Variants in RASGRP2 observed in about 807,000 individuals in gnomAD.
RASGRP2 encodes the protein RAS guanyl releasing protein 2, also known as RAS guanyl-releasing protein 2.
In RASGRP2, 44 loss-of-function variants were observed where a neutral mutation model predicts 71.0. The ratio of observed to expected loss-of-function variants is 0.62; its 90% CI spans 0.49 to 0.80. The LOEUF (loss-of-function observed/expected upper bound fraction) is 0.80. RASGRP2 is among the 30% of genes least tolerant of loss of function. RASGRP2 has a pLI of 0.00. For missense variants in RASGRP2, 663 were observed against 813.4 expected (o/e 0.82, Z 2.25); for synonymous variants, 350 against 330.7 (o/e 1.06, Z -0.63).
At position 64,736,833 on chromosome 11, in the gene RASGRP2, T is replaced by C. The variant is rs779878541; in HGVS notation, c.1015A>G (p.Ser339Gly). ...LNGAKMKQLF[S>G]ILEELAMVTS... ...ACCATGGCCAGCTCCTCCAGGATGC[T>C]AAAGAGCTGCTTCATCTTGGCCCCG... Residue 339 changes from serine to glycine, a missense_variant, in exon 9 of 17, where the codon AGC becomes GGC. By Grantham distance (56) the Ser-to-Gly change is moderately conservative (BLOSUM62 0). Coordinates refer to ENST00000394432, the MANE Select transcript of RASGRP2 (RefSeq NM_001098671.2). 12 of 1,612,988 alleles carry C rather than the reference T, an allele frequency of 7.4e-6. No homozygotes were observed. The South Asian group carries it at 1.1e-4, about 15-fold the overall frequency.
intron 12 of RASGRP2, among the ~76,000 whole-genome samples, chr11:64,732,961 G>A (rs1207182): frequency 0.92 from 139,077 of 151,356 alleles, 65,085 homozygotes; most frequent in East Asian, 1. Context: ...CAAAAAAAAG[G>A]AAAAGAAAAA....
chr11:64,727,245 C>G (rs1392216078), intron 16 of RASGRP2, 51 bp downstream of exon 16: 5 of 1,501,038 alleles, frequency 3.3e-6, no homozygotes, highest in East Asian at 2.3e-5. Context: ...CTCCCCAGCT[C>G]CCCCCCAGCC....
intron 12 of RASGRP2, among the ~76,000 whole-genome samples, chr11:64,732,668 C>G (rs2057799657): frequency 6.6e-6 from 1 of 152,102 alleles, no homozygotes; most frequent in South Asian, 2.1e-4. Context: ...GTAGTCCCAG[C>G]TACTCCGGAG....
intron 12 of RASGRP2, among the ~76,000 whole-genome samples, chr11:64,730,675 C>T (rs1352116663): frequency 6.6e-6 from 1 of 152,236 alleles, no homozygotes; most frequent in African/African-American, 2.4e-5. Context: ...CCAGGGCTTT[C>T]CGCAGAAGCC....
chr11:64,742,152 C>G lies in RASGRP2; in HGVS notation c.74-40G>C, dbSNP rs778689365. ...TCAAAGACAGGTGGCTGAGCTGGGTCCGCAGCTACCATGCCTCATCCTCAC... is the reference window on the plus strand; with the variant it reads ...TCAAAGACAGGTGGCTGAGCTGGGTGCGCAGCTACCATGCCTCATCCTCAC... On this transcript the variant is annotated intron_variant, in intron 2 of 16. Coordinates refer to ENST00000394432, the MANE Select transcript of RASGRP2 (RefSeq NM_001098671.2). This position sits in a 1 kb window ranked among gnomAD's most constrained non-coding sequence, Gnocchi z 4.7. 2 of 1,472,270 alleles carry G rather than the reference C, an allele frequency of 1.4e-6. No homozygotes were observed. Among genetic ancestry groups the G allele is most frequent in the Admixed American group, 3.9e-5 (2 of 51,088 alleles). 91.2% of individuals were successfully genotyped at this position (1,472,270 alleles called of 1,614,324 possible).
chr11:64,737,176 GCT>G, intron 8 of RASGRP2, 142 bp from the exon 9 acceptor site: 1 of 960,608 alleles, frequency 1.0e-6, no homozygotes, highest in Non-Finnish European at 1.6e-6. Flanking sequence ...CCCACGACTG[GCT>G]CTCTCAGCCC....
intron 12 of RASGRP2, among the ~76,000 whole-genome samples, chr11:64,731,359 GAAAAA>G (rs542490938): frequency 3.3e-5 from 3 of 89,966 alleles, no homozygotes; most frequent in Admixed American, 1.3e-4. Flanking sequence ...CCCTGTCTCA[GAAAAA>G]AAAAAAAAAA....
chr11:64,733,245 A>G (rs916857284), intron 12 of RASGRP2, among the ~76,000 whole-genome samples: 4 of 152,184 alleles, frequency 2.6e-5, no homozygotes, highest in Admixed American at 6.5e-5. Context: ...ATTTTGTAAG[A>G]AAGAAATGGA....
chr11:64,737,670 C>A (rs2057986613), intron 8 of RASGRP2, among the ~76,000 whole-genome samples: 1 of 78,610 alleles, frequency 1.3e-5, no homozygotes, highest in Non-Finnish European at 2.5e-5. Flanking sequence ...CAGAGCAAGA[C>A]TCCATCTCAA....
chr11:64,735,052 G>A lies in RASGRP2; in HGVS notation c.1412+60C>T. ...CTCATCTTGCACACAAGAAACTGAA[G>A]CCCAGGCAGAAGTGGGCTGAGTTGC... On this transcript the variant is annotated intron_variant, in intron 12 of 16. Coordinates refer to ENST00000394432, the MANE Select transcript of RASGRP2 (RefSeq NM_001098671.2). The surrounding 1 kb of genome is among the most constrained non-coding windows in gnomAD (Gnocchi z 4.2). The A allele has an allele frequency of 1.5e-6, 2 of 1,300,784 alleles. No individual in the cohort carries two copies. Among genetic ancestry groups the A allele is most frequent in the Non-Finnish European group, 2.2e-6 (2 of 894,506 alleles). 80.6% of individuals were successfully genotyped at this position (1,300,784 alleles called of 1,614,324 possible).
Position 64,729,272 on chromosome 11 carries a change from C to T in RASGRP2, c.1592-230G>A, listed in dbSNP as rs74693180. ...TCATCAAAATAAATGGCCTCTTAAA[C>T]GCCACTCCCTTCACATCAGTCATCT... On this transcript the variant is annotated intron_variant, in intron 14 of 16. Coordinates refer to ENST00000394432, the MANE Select transcript of RASGRP2 (RefSeq NM_001098671.2). 0.039 allele frequency among the ~76,000 whole-genome samples: 5,995 copies of T among 152,088 alleles called. 359 individuals are homozygous for T. The highest frequency in any genetic ancestry group is 0.13 in the African/African-American group (5,457 of 41,424).
intron 15 of RASGRP2, 68 bp from the exon 16 acceptor site, chr11:64,727,428 T>C: frequency 6.9e-7 from 1 of 1,451,644 alleles, no homozygotes; most frequent in Non-Finnish European, 9.6e-7. Flanking sequence ...CCTTCCCCTC[T>C]CCACGGGAGG....
At chr11:64,737,702 AAAAG>A (rs2057991378) in intron 8 of RASGRP2, among the ~76,000 whole-genome samples, 1 of 151,066 alleles carries the variant, frequency 6.6e-6, no homozygotes, top group Non-Finnish European at 1.5e-5. Flanking sequence ...AAAAGAAAGA[AAAAG>A]AAAGAAAGAA....
chr11:64,740,868 C>T (rs1429313553), intron 5 of RASGRP2, 80 bp downstream of exon 5: 1 of 1,564,520 alleles, frequency 6.4e-7, no homozygotes, highest in Admixed American at 1.7e-5. Context: ...CTCACTCATT[C>T]AGTTCAACAG....
chr11:64,735,928 T>A lies in RASGRP2; in HGVS notation c.1148A>T (p.Gln383Leu). Residue 383 changes from glutamine (Q) to leucine (L), a missense_variant, in exon 10 of 17, where the codon CAG (glutamine) becomes CTG (leucine). By Grantham distance (113) the Gln-to-Leu change is moderately radical. Coordinates refer to ENST00000394432, the MANE Select transcript of RASGRP2 (RefSeq NM_001098671.2). This position sits in a 1 kb window ranked among gnomAD's most constrained non-coding sequence, Gnocchi z 4.2. ...CGAGGACTTGGAGCGCGGCTCCCGC[T>A]GCAGGGACAGCTGGTACAGCTCATC... ...TEDELYQLSL[Q>L]REPRSKSSPT... 3.7e-6 allele frequency: 6 copies of A among 1,614,004 alleles called. No homozygotes were observed. Among genetic ancestry groups the A allele is most frequent in the Non-Finnish European group, 4.2e-6 (5 of 1,179,960 alleles).
intron 3 of RASGRP2, 63 bp downstream of exon 3, chr11:64,741,947 T>C: frequency 1.4e-6 from 2 of 1,390,246 alleles, no homozygotes; most frequent in Admixed American, 1.9e-5. Context: ...GCACCTGGGC[T>C]GGGCAGAGGG....
chr11:64,742,652 G>A lies in RASGRP2; in HGVS notation c.73+142C>T. The A allele has an allele frequency of 1.8e-6, 2 of 1,098,634 alleles. No homozygotes were observed. The highest frequency in any genetic ancestry group is 1.6e-5 in the African/African-American group (1 of 64,252). The allele number at this position is 1,098,634 out of a possible 1,614,324, so 68.1% of individuals were successfully genotyped here. ...TCTCTCTGCCCTGCGTTGCGGAGGA[G>A]GCTTTCGTTAAAGAGACTGCACGCT... On this transcript the variant is annotated intron_variant, in intron 2 of 16. Coordinates refer to ENST00000394432, the MANE Select transcript of RASGRP2 (RefSeq NM_001098671.2). The surrounding 1 kb of genome is among the most constrained non-coding windows in gnomAD (Gnocchi z 4.7).
At position 64,742,087 on chromosome 11, in the gene RASGRP2, C is replaced by G; in HGVS notation, c.99G>C (p.Pro33=). ...AFDDSGKVRD[P]QLVRMFLMMH... is the part of the protein sequence containing the mutation. ...TCATGAGGAACATGCGCACCAGCTG[C>G]GGGTCCCGCACCTTCCCGGAGTCAT... The change falls in exon 3 of 17, where the codon CCG becomes CCC. Residue 33 remains proline (P), a synonymous_variant. Transcript: ENST00000394432. The surrounding 1 kb of genome is among the most constrained non-coding windows in gnomAD (Gnocchi z 4.7). 1 of 1,604,720 alleles carries G rather than the reference C, an allele frequency of 6.2e-7. No individual in the cohort carries two copies. Among genetic ancestry groups the G allele is most frequent in the East Asian group, 2.3e-5 (1 of 44,422 alleles).
chr11:64,730,621 T>A (rs1374554914), intron 12 of RASGRP2, among the ~76,000 whole-genome samples: 2 of 152,206 alleles, frequency 1.3e-5, no homozygotes, highest in Non-Finnish European at 2.9e-5. Context: ...TCCTGCATCA[T>A]CCTGCTGGAA....
Sources: gnomAD v4.1 joint callset for allele counts (sites outside exome capture counted in the v4.1 genomes callset) on GRCh38, gnomAD v4.1.1 for gene constraint, Gnocchi (gnomAD v3.1) non-coding constraint, MANE v1.5 for transcripts, NCBI Gene and HGNC (gene_info 2026-07-23, HGNC 2026-07-21) for gene names.